The following CACNA1C variants were observed in gnomAD, a reference collection of about 807,000 sequenced individuals.
The protein encoded by CACNA1C is calcium voltage-gated channel subunit alpha1 C.
In CACNA1C, 30 loss-of-function variants were observed where a neutral mutation model predicts 229.0. The observed-to-expected ratio is 0.13, with a 90% CI of 0.10 to 0.18. CACNA1C has a LOEUF of 0.18. CACNA1C is among the 10% of genes least tolerant of loss of function. The pLI is 1.00. For missense variants in CACNA1C, 1,658 were observed against 2,845.0 expected (o/e 0.58, Z 9.49); for synonymous variants, 1,114 against 1,132.5 (o/e 0.98, Z 0.33).
intron 1 of CACNA1C, among the ~76,000 whole-genome samples, chr12:2,044,851 G>C (rs2050794119): frequency 6.6e-6 from 1 of 152,178 alleles, no homozygotes; most frequent in Admixed American, 6.5e-5. Flanking sequence ...CATAACCCTA[G>C]TCTCGCATGA....
At chr12:2,280,179 CTTTGCTGTGCTTCGGTTT>C in intron 3 of CACNA1C, among the ~76,000 whole-genome samples, 1 of 146,902 alleles carries the variant, frequency 6.8e-6, no homozygotes, top group African/African-American at 2.6e-5. Context: ...CCTCTTGATA[CTTTGCTGTGCTTCGGTTT>C]AACCTCTTGA....
intron 3 of CACNA1C, among the ~76,000 whole-genome samples, chr12:2,182,719 G>A (rs1018481411): frequency 1.4e-4 from 22 of 152,256 alleles, no homozygotes; most frequent in African/African-American, 4.6e-4. Flanking sequence ...TGGGATGTGC[G>A]CCTGAGCATC....
intron 3 of CACNA1C, among the ~76,000 whole-genome samples, chr12:2,268,928 A>G (rs1016186601): frequency 5.3e-5 from 8 of 152,166 alleles, no homozygotes; most frequent in African/African-American, 1.9e-4. Flanking sequence ...GACTCTGAGC[A>G]TCTTGTGAAA....
chr12:2,482,427 G>T (rs914844067), intron 5 of CACNA1C, among the ~76,000 whole-genome samples: 4 of 152,222 alleles, frequency 2.6e-5, no homozygotes, highest in African/African-American at 9.6e-5. Flanking sequence ...CCACTTCCCA[G>T]CTGTGCGACC....
At chr12:2,069,832 T>C (rs1293912682) in intron 1 of CACNA1C, among the ~76,000 whole-genome samples, 1 of 152,204 alleles carries the variant, frequency 6.6e-6, no homozygotes, top group Admixed American at 6.5e-5. Flanking sequence ...CTTTTCTTTT[T>C]TTCTTGAGAC....
intron 9 of CACNA1C, among the ~76,000 whole-genome samples, chr12:2,539,815 G>C (rs1396177176): frequency 9.8e-4 from 118 of 120,888 alleles, no homozygotes; most frequent in Non-Finnish European, 1.7e-3. Flanking sequence ...CAGGGTTTAA[G>C]GACTTAAGGA....
chr12:2,445,467 T>A (rs914650477), intron 3 of CACNA1C, among the ~76,000 whole-genome samples: 1 of 152,212 alleles, frequency 6.6e-6, no homozygotes, highest in Non-Finnish European at 1.5e-5. Flanking sequence ...CAGGTCCCTC[T>A]GGGTCTCCAC....
At chr12:2,263,631 A>C (rs891931359) in intron 3 of CACNA1C, among the ~76,000 whole-genome samples, 3 of 152,050 alleles carry the variant, frequency 2.0e-5, no homozygotes, top group Admixed American at 6.5e-5. Flanking sequence ...GTGGAGGTGG[A>C]GAGAAGTTGC....
At chr12:2,057,521 G>A (rs1003427273) in intron 1 of CACNA1C, among the ~76,000 whole-genome samples, 1 of 152,142 alleles carries the variant, frequency 6.6e-6, no homozygotes, top group East Asian at 1.9e-4. Flanking sequence ...CACCTGCCCC[G>A]GCACAGGTAA....
At chr12:2,147,947 G>C (rs1446167849) in intron 3 of CACNA1C, among the ~76,000 whole-genome samples, 1 of 151,182 alleles carries the variant, frequency 6.6e-6, no homozygotes, top group Admixed American at 6.6e-5. Context: ...GGTAACAGGA[G>C]GATGCTAGGA....
At chr12:2,664,156 A>G (rs931602695) in intron 34 of CACNA1C, among the ~76,000 whole-genome samples, 1 of 152,236 alleles carries the variant, frequency 6.6e-6, no homozygotes, top group Non-Finnish European at 1.5e-5. Context: ...TCAACCCACT[A>G]ATCATTTTAT....
At chr12:2,071,872 A>G (rs1295829746) in intron 1 of CACNA1C, among the ~76,000 whole-genome samples, 3 of 152,122 alleles carry the variant, frequency 2.0e-5, no homozygotes, top group Non-Finnish European at 4.4e-5. Context: ...ATTTCACAAT[A>G]TGTGCGTGAA....
intron 3 of CACNA1C, among the ~76,000 whole-genome samples, chr12:2,202,555 TG>T (rs141113649): frequency 1.3e-5 from 2 of 152,204 alleles, no homozygotes; most frequent in African/African-American, 4.8e-5. Flanking sequence ...GAAGTTGTTT[TG>T]GGGGATGAGG....
intron 4 of CACNA1C, among the ~76,000 whole-genome samples, chr12:2,452,686 A>G (rs1045005231): frequency 6.6e-6 from 1 of 152,224 alleles, no homozygotes; most frequent in African/African-American, 2.4e-5. Context: ...CCCTTTCAGA[A>G]TTAAAAGCGG....
In CACNA1C at chr12:2,493,088, C is replaced by A; in HGVS notation, c.917-102C>A. The A allele has an allele frequency of 1.1e-6, 1 of 942,648 alleles. No individual in the cohort carries two copies. Among genetic ancestry groups the A allele is most frequent in the Non-Finnish European group, 1.7e-6 (1 of 605,128 alleles). The allele number at this position is 942,648 out of a possible 1,614,324, so 58.4% of individuals were successfully genotyped here. ...TTGTTGCCATGGTTGCTTTGCCCATCCCATCAACCTCATCCTGTCACTTTT... is the reference window on the plus strand; with the variant it reads ...TTGTTGCCATGGTTGCTTTGCCCATACCATCAACCTCATCCTGTCACTTTT... On this transcript the variant is annotated intron_variant, in intron 6 of 46. Coordinates refer to ENST00000399655, the MANE Select transcript of CACNA1C (RefSeq NM_000719.7). The surrounding 1 kb of genome is among the most constrained non-coding windows in gnomAD (Gnocchi z 4.6).
rs1392789335 is a variant in CACNA1C at position 2,597,325 on chromosome 12, C to T, written c.2853+36C>T. ...CATCCCCTTCTGCTCCTCCTGTCCCCCTTGTGCCAGCACCAGGTCTCTGCC... is the reference window on the plus strand; with the variant it reads ...CATCCCCTTCTGCTCCTCCTGTCCCTCTTGTGCCAGCACCAGGTCTCTGCC... On this transcript the variant is annotated intron_variant, in intron 21 of 46. Coordinates refer to ENST00000399655, the MANE Select transcript of CACNA1C (RefSeq NM_000719.7). The surrounding 1 kb of genome is among the most constrained non-coding windows in gnomAD (Gnocchi z 4.3). 8 of 1,556,466 alleles carry T rather than the reference C, an allele frequency of 5.1e-6. No homozygotes were observed. Among genetic ancestry groups the T allele is most frequent in the Non-Finnish European group, 7.1e-6 (8 of 1,127,872 alleles).
At chr12:2,484,364 G>A (rs1028322319) in intron 5 of CACNA1C, among the ~76,000 whole-genome samples, 2 of 152,312 alleles carry the variant, frequency 1.3e-5, no homozygotes, top group African/African-American at 4.8e-5. Flanking sequence ...TAAAAGAAGA[G>A]CTGTTTTACT....
At chr12:2,572,338 C>CCTCCTCCTCCTG (rs2055227538) in intron 13 of CACNA1C, among the ~76,000 whole-genome samples, 1 of 36,916 alleles carries the variant, frequency 2.7e-5, no homozygotes, top group Non-Finnish European at 5.9e-5. Flanking sequence ...TCCTTCTCTT[C>CCTCCTCCTCCTG]TTCCTCCTCC....
intron 11 of CACNA1C, among the ~76,000 whole-genome samples, chr12:2,565,391 C>CCAG (rs1465942149): frequency 1.3e-5 from 2 of 151,054 alleles, no homozygotes; most frequent in African/African-American, 4.9e-5. Context: ...GGCGTGAACC[C>CCAG]GGGAAGCGGA....
Sources: gnomAD v4.1 joint callset for allele counts (sites outside exome capture counted in the v4.1 genomes callset) on GRCh38, gnomAD v4.1.1 for gene constraint, Gnocchi (gnomAD v3.1) non-coding constraint, MANE v1.5 for transcripts, NCBI Gene and HGNC (gene_info 2026-07-23, HGNC 2026-07-21) for gene names.